The following TRIP11 variants were observed in gnomAD, a reference collection of about 807,000 sequenced individuals.
TRIP11 encodes the protein thyroid hormone receptor interactor 11.
A neutral mutation model predicts 223.1 loss-of-function variants in TRIP11; 148 were observed. The observed-to-expected ratio is 0.66, with a 90% CI of 0.58 to 0.76. The LOEUF (loss-of-function observed/expected upper bound fraction) is 0.76, where lower values mean the gene tolerates loss of function less well. TRIP11 is among the 30% of genes least tolerant of loss of function. The pLI, the probability that TRIP11 is intolerant of heterozygous loss-of-function variation, is 0.00. For missense variants in TRIP11, 2,043 were observed against 2,222.0 expected (o/e 0.92, Z 1.62); for synonymous variants, 762 against 772.6 (o/e 0.99, Z 0.23).
intron 19 of TRIP11, among the ~76,000 whole-genome samples, 195 bp downstream of exon 19, chr14:91,974,432 C>T (rs2056437892): frequency 1.3e-5 from 2 of 152,044 alleles, no homozygotes; most frequent in South Asian, 2.1e-4. Flanking sequence ...TAAAATAAAA[C>T]CTATATGCAA....
Position 91,966,119 on chromosome 14 carries a change from TAA to T in TRIP11, c.*3552_*3553del, listed in dbSNP as rs36079364. ...CAAAAATGCATTAACTTTAGCTCTATAAATAACACAACCTAATATTAAGGTTG... is the reference window on the plus strand; with the variant it reads ...CAAAAATGCATTAACTTTAGCTCTATATAACACAACCTAATATTAAGGTTG... On this transcript the variant is annotated 3_prime_UTR_variant, in exon 21 of 21. Transcript: ENST00000267622. 653 of 174,320 alleles carry T rather than the reference TAA, an allele frequency of 3.7e-3. 3 individuals are homozygous for T. The highest frequency in any genetic ancestry group is 6.3e-3 in the Admixed American group (100 of 15,758). The allele number at this position is 174,320 out of a possible 1,614,324, so 10.8% of individuals were successfully genotyped here. A position where few individuals can be genotyped will look rare whatever the true frequency, so the allele number is the denominator to read the frequency against.
intron 14 of TRIP11, among the ~76,000 whole-genome samples, chr14:91,994,259 T>G (rs1296814717): frequency 6.7e-5 from 7 of 104,418 alleles, no homozygotes; most frequent in African/African-American, 5.3e-4. Flanking sequence ...CCTCAAAAAC[T>G]TTTTTTTTTT....
At chr14:91,983,754 G>C (rs1466038384) in intron 16 of TRIP11, among the ~76,000 whole-genome samples, 1 of 152,028 alleles carries the variant, frequency 6.6e-6, no homozygotes, top group Non-Finnish European at 1.5e-5. Flanking sequence ...CATCTATAAA[G>C]AAATCTCTCA....
Position 91,999,294 on chromosome 14 carries a change from ACTTT to A in TRIP11, c.4834_4837del (p.Lys1612SerfsTer8), listed in dbSNP as rs1274744069. The A allele has an allele frequency of 1.2e-6, 2 of 1,613,882 alleles. No homozygotes were observed. Among genetic ancestry groups the A allele is most frequent in the Admixed American group, 1.7e-5 (1 of 60,024 alleles). The stretch of plus-strand genomic sequence containing the variant: ...AACTAGCTTTTCCTCCAATACTGTG[ACTTT>A]CTTTCTTAGTTTAGCCTCTCTATCT... On this transcript the variant is annotated frameshift_variant, in exon 13 of 21. Transcript: ENST00000267622. LOFTEE classifies it high-confidence loss of function.
At chr14:92,026,381 C>A (rs748463512) in intron 2 of TRIP11, among the ~76,000 whole-genome samples, 3 of 152,186 alleles carry the variant, frequency 2.0e-5, no homozygotes, top group Non-Finnish European at 4.4e-5. Context: ...AACCTATTAT[C>A]ATTCCTTATT....
At chr14:92,020,386 T>G (rs1436273140) in intron 4 of TRIP11, among the ~76,000 whole-genome samples, 1 of 152,146 alleles carries the variant, frequency 6.6e-6, no homozygotes, top group African/African-American at 2.4e-5. Context: ...AAGGGCTCCT[T>G]GGAAGAAAGT....
In TRIP11 at chr14:91,972,759, C is replaced by G; in HGVS notation, c.5677G>C (p.Gly1893Arg). ...VHDMKPLDSPGRRKRDTNAPE... is the reference protein window; with the variant it reads ...VHDMKPLDSPRRRKRDTNAPE... ...GCATTTGTATCTCTTTTTCTTCTTCCTGGTGAATCCAGAGGTTTCATATCA... is the reference window on the plus strand; with the variant it reads ...GCATTTGTATCTCTTTTTCTTCTTCGTGGTGAATCCAGAGGTTTCATATCA... Residue 1893 changes from glycine to arginine, a missense_variant, in exon 20 of 21, where the codon GGA becomes CGA. Physicochemically the swap from Gly to Arg is moderately radical, Grantham distance 125. Coordinates refer to ENST00000267622, the MANE Select transcript of TRIP11 (RefSeq NM_004239.4). 6.2e-7 allele frequency: 1 copy of G among 1,612,328 alleles called. No homozygotes were observed. The highest frequency in any genetic ancestry group is 8.5e-7 in the Non-Finnish European group (1 of 1,179,396).
At chr14:92,017,587 C>T (rs2057050544) in intron 5 of TRIP11, 95 bp downstream of exon 5, 1 of 952,836 alleles carries the variant, frequency 1.0e-6, no homozygotes, top group East Asian at 2.6e-5. Flanking sequence ...ATGATAATGA[C>T]TTTTATAACT....
Position 91,975,382 on chromosome 14 carries a change from ATATT to A in TRIP11, c.5343-100_5343-97del, listed in dbSNP as rs2056451472. 5 of 679,078 alleles carry A rather than the reference ATATT, an allele frequency of 7.4e-6. No individual in the cohort carries two copies. In the East Asian group the frequency reaches 9.9e-5, roughly 13 times the overall value. The allele number at this position is 679,078 out of a possible 1,614,324, so 42.1% of individuals were successfully genotyped here. A position where few individuals can be genotyped will look rare whatever the true frequency, so the allele number is the denominator to read the frequency against. ...ATATTTAATTATATTAAACAATTAA[ATATT>A]TACTTATAAAAAAGTCTAAACAAAA... is the stretch of plus-strand genomic sequence containing the variant. On this transcript the variant is annotated intron_variant, in intron 17 of 20. Transcript: ENST00000267622.
chr14:91,967,023 C>G lies in TRIP11; in HGVS notation c.*2650G>C, dbSNP rs1466432197. ...AGCAGGTGGTTCATCTCTGACACAA[C>G]TAAGTTTCAGAAAAGTCAATGACTT... On this transcript the variant is annotated 3_prime_UTR_variant, in exon 21 of 21. Transcript: ENST00000267622. The G allele has an allele frequency of 5.2e-6, 1 of 191,304 alleles. No homozygotes were observed. The highest frequency in any genetic ancestry group is 8.3e-5 in the East Asian group (1 of 12,028). 11.9% of individuals were successfully genotyped at this position (191,304 alleles called of 1,614,324 possible).
At chr14:92,007,056 C>T (rs1358023457) in intron 10 of TRIP11, among the ~76,000 whole-genome samples, 1 of 147,774 alleles carries the variant, frequency 6.8e-6, no homozygotes, top group Non-Finnish European at 1.5e-5. Flanking sequence ...GAGACAGAGT[C>T]GCTCTGTTGC....
chr14:91,999,551 T>C, intron 12 of TRIP11, 118 bp from the exon 13 acceptor site: 1 of 1,075,982 alleles, frequency 9.3e-7, no homozygotes, highest in Non-Finnish European at 1.4e-6. Flanking sequence ...CAATTTCTCA[T>C]ACTGCAAAAT....
intron 1 of TRIP11, 27 bp from the exon 2 acceptor site, chr14:92,033,280 T>C (rs767558616): frequency 6.5e-7 from 1 of 1,549,794 alleles, no homozygotes; most frequent in South Asian, 1.1e-5. Flanking sequence ...AAATATTGAA[T>C]ATTTAATCAA....
chr14:92,002,521 T>A lies in TRIP11; in HGVS notation c.4557+898A>T, dbSNP rs183975224. Among the ~76,000 whole-genome samples the A allele has an allele frequency of 6.1e-4, 93 of 152,066 alleles. 1 individual carries two copies. The highest frequency in any genetic ancestry group is 9.7e-4 in the Non-Finnish European group (66 of 67,962). ...CACTCAGCACATTTTCTTATTATTTTAAAAAAATTTCTAACCCAAGTCACT... is the reference window on the plus strand; with the variant it reads ...CACTCAGCACATTTTCTTATTATTTAAAAAAAATTTCTAACCCAAGTCACT... On this transcript the variant is annotated intron_variant, in intron 11 of 20. Transcript: ENST00000267622.
intron 16 of TRIP11, among the ~76,000 whole-genome samples, chr14:91,984,860 T>C (rs2056586102): frequency 6.6e-6 from 1 of 152,224 alleles, no homozygotes; most frequent in South Asian, 2.1e-4. Flanking sequence ...GGATATGGGA[T>C]GGCATGTGAA....
intron 2 of TRIP11, among the ~76,000 whole-genome samples, chr14:92,027,726 A>G (rs2057207957): frequency 6.6e-6 from 1 of 152,258 alleles, no homozygotes; most frequent in Non-Finnish European, 1.5e-5. Context: ...GAAGACTGAT[A>G]GTGAGAAAGA....
chr14:92,020,956 G>A (rs1002694953), intron 4 of TRIP11, among the ~76,000 whole-genome samples: 1 of 151,392 alleles, frequency 6.6e-6, no homozygotes, highest in Non-Finnish European at 1.5e-5. Flanking sequence ...TATAATCCCA[G>A]CTACTTGGGA....
At chr14:92,030,203 C>CAAAAAAAAAAAAAAAAAA (rs55828319) in intron 2 of TRIP11, among the ~76,000 whole-genome samples, 1 of 67,078 alleles carries the variant, frequency 1.5e-5, no homozygotes, top group Non-Finnish European at 2.6e-5. Flanking sequence ...GACTCCGTCT[C>CAAAAAAAAAAAAAAAAAA]AAAAAAAAAA....
intron 15 of TRIP11, among the ~76,000 whole-genome samples, chr14:91,992,770 G>T (rs560023724): frequency 9.3e-4 from 141 of 151,894 alleles, no homozygotes; most frequent in Middle Eastern, 3.4e-3. Flanking sequence ...TTAGCCGGGT[G>T]TGGTGGCGGG....
Sources: allele counts gnomAD v4.1 joint callset (sites outside exome capture counted in the v4.1 genomes callset), GRCh38; gene constraint gnomAD v4.1.1; transcripts MANE v1.5; gene names NCBI Gene and HGNC (gene_info 2026-07-23, HGNC 2026-07-21).